STXBP5L: variants seen among roughly 807,000 people sequenced by gnomAD.
The protein encoded by STXBP5L is syntaxin binding protein 5L, also known as syntaxin-binding protein 5-like.
In STXBP5L, 65 loss-of-function variants were observed where a neutral mutation model predicts 144.5. The observed-to-expected ratio is 0.45, with a 90% CI of 0.37 to 0.55. The LOEUF (loss-of-function observed/expected upper bound fraction) is 0.55. Among genes scored for constraint, STXBP5L ranks in the 20% least tolerant of loss-of-function variants. The pLI is 0.00. For missense variants in STXBP5L, 1,298 were observed against 1,405.5 expected (o/e 0.92, Z 1.22); for synonymous variants, 505 against 469.6 (o/e 1.08, Z -0.97).
intron 15 of STXBP5L, 151 bp downstream of exon 15, chr3:121,250,914 A>G (rs949869457): frequency 1.6e-5 from 10 of 612,928 alleles, no homozygotes; most frequent in Non-Finnish European, 2.9e-5. Flanking sequence ...CTACACTGTT[A>G]GATCAGTTGA....
chr3:121,108,159 CAG>C (rs1181157133), intron 5 of STXBP5L, among the ~76,000 whole-genome samples: 1 of 152,196 alleles, frequency 6.6e-6, no homozygotes, highest in Non-Finnish European at 1.5e-5. Flanking sequence ...TATCTACAAA[CAG>C]AGACAGTTTG....
intron 16 of STXBP5L, among the ~76,000 whole-genome samples, chr3:121,256,852 T>C (rs1360470823): frequency 6.6e-6 from 1 of 151,400 alleles, no homozygotes; most frequent in Non-Finnish European, 1.5e-5. Flanking sequence ...TACTATATCT[T>C]AAAGTATATT....
In STXBP5L at chr3:120,989,702, T is replaced by C. The variant is rs76920244; in HGVS notation, c.287+34665T>C. ...TTTTACGTATTACGTATTTTGAGGC[T>C]GTGTGGTTTGGTTTGCACTCATTTA... On this transcript the variant is annotated intron_variant, in intron 3 of 26. Transcript: ENST00000471454. Among the ~76,000 whole-genome samples, 1,289 of 152,312 alleles carry C rather than the reference T, an allele frequency of 8.5e-3. 20 individuals carry two copies. The highest frequency in any genetic ancestry group is 0.029 in the African/African-American group (1,192 of 41,580).
chr3:121,355,226 G>A (rs1164003157), intron 20 of STXBP5L, among the ~76,000 whole-genome samples: 3 of 152,166 alleles, frequency 2.0e-5, no homozygotes, highest in African/African-American at 7.2e-5. Context: ...GAATTTGAAT[G>A]TTGGCCTGCC....
intron 10 of STXBP5L, among the ~76,000 whole-genome samples, chr3:121,218,031 T>A (rs1009074052): frequency 2.8e-5 from 4 of 144,182 alleles, no homozygotes; most frequent in African/African-American, 7.6e-5. Context: ...TAGTATAATA[T>A]ACTATATAAT....
intron 9 of STXBP5L, among the ~76,000 whole-genome samples, chr3:121,163,075 A>T (rs2046378064): frequency 6.6e-6 from 1 of 152,250 alleles, no homozygotes; most frequent in Non-Finnish European, 1.5e-5. Flanking sequence ...TACTGGATAT[A>T]TATCCAAAGG....
chr3:121,011,234 C>A (rs1944751441), intron 3 of STXBP5L, among the ~76,000 whole-genome samples: 1 of 150,962 alleles, frequency 6.6e-6, no homozygotes, highest in African/African-American at 2.4e-5. Flanking sequence ...ATCCTCAGTT[C>A]TAGAAAAGTG....
At chr3:121,402,059 G>C (rs1038999954) in intron 22 of STXBP5L, among the ~76,000 whole-genome samples, 2 of 152,128 alleles carry the variant, frequency 1.3e-5, no homozygotes, top group African/African-American at 4.8e-5. Context: ...TGTAGGCCTA[G>C]TGCATTTTCA....
intron 20 of STXBP5L, among the ~76,000 whole-genome samples, chr3:121,342,201 C>T (rs761490679): frequency 1.3e-5 from 2 of 152,026 alleles, no homozygotes; most frequent in African/African-American, 4.8e-5. Flanking sequence ...CCTTGCTGTT[C>T]AAGGATCAAC....
intron 9 of STXBP5L, among the ~76,000 whole-genome samples, chr3:121,194,437 A>G (rs1379209875): frequency 2.0e-5 from 1 of 49,072 alleles, no homozygotes; most frequent in Non-Finnish European, 4.0e-5. Context: ...TTTGAGGCCT[A>G]GGCAGGAGGA....
chr3:121,008,535 A>C (rs1011204774), intron 3 of STXBP5L, among the ~76,000 whole-genome samples: 3 of 152,036 alleles, frequency 2.0e-5, no homozygotes, highest in Admixed American at 6.6e-5. Context: ...ATGGGGATAC[A>C]ACACCAAATA....
intron 18 of STXBP5L, among the ~76,000 whole-genome samples, chr3:121,264,805 CA>C (rs60150188): frequency 0.47 from 53,780 of 114,402 alleles, 10,340 homozygotes; most frequent in East Asian, 0.58. Flanking sequence ...ATGGAAAGCA[CA>C]AAAAAAAAAA....
intron 3 of STXBP5L, among the ~76,000 whole-genome samples, chr3:120,977,085 A>G (rs569674639): frequency 2.6e-5 from 4 of 152,276 alleles, no homozygotes; most frequent in African/African-American, 9.6e-5. Context: ...GCTGAGTTCA[A>G]TTCCTGGTTA....
chr3:121,208,054 T>C (rs1031540533), intron 10 of STXBP5L, among the ~76,000 whole-genome samples: 9 of 152,286 alleles, frequency 5.9e-5, no homozygotes, highest in African/African-American at 1.7e-4. Context: ...TGCAGCACTA[T>C]TCACAATAGT....
chr3:121,093,638 T>C (rs985689233), intron 5 of STXBP5L, among the ~76,000 whole-genome samples: 1 of 152,210 alleles, frequency 6.6e-6, no homozygotes, highest in African/African-American at 2.4e-5. Flanking sequence ...TCATTTTTTC[T>C]TGCTTCTATT....
intron 9 of STXBP5L, among the ~76,000 whole-genome samples, chr3:121,184,675 G>T (rs1423158648): frequency 2.6e-5 from 4 of 152,094 alleles, no homozygotes; most frequent in South Asian, 2.1e-4. Flanking sequence ...CCCCAACCTA[G>T]CAAGACAGGC....
At chr3:121,324,712 G>T in intron 20 of STXBP5L, 1 of 530,628 alleles carries the variant, frequency 1.9e-6, no homozygotes, top group Non-Finnish European at 3.3e-6. Context: ...CCTTCATGGT[G>T]TATGAAAACA....
chr3:121,328,358 G>A (rs993829478), intron 20 of STXBP5L, among the ~76,000 whole-genome samples: 2 of 152,118 alleles, frequency 1.3e-5, no homozygotes, highest in African/African-American at 2.4e-5. Flanking sequence ...ATTTTACAGA[G>A]GAAGGGAAGC....
At chr3:121,255,170 A>G (rs2050164521) in intron 16 of STXBP5L, 58 bp downstream of exon 16, 1 of 1,356,646 alleles carries the variant, frequency 7.4e-7, no homozygotes, top group Admixed American at 2.6e-5. Context: ...AGCTATTATC[A>G]TAGATTTGAC....
Sources: allele counts gnomAD v4.1 joint callset (sites outside exome capture counted in the v4.1 genomes callset), GRCh38; gene constraint gnomAD v4.1.1; transcripts MANE v1.5; gene names NCBI Gene and HGNC (gene_info 2026-07-23, HGNC 2026-07-21).